Variants in GDA observed in about 807,000 individuals in gnomAD.
GDA encodes cytoplasmic PSD-95 interactor.
Under a neutral mutation model 59.6 loss-of-function variants are expected in GDA, and 18 were observed. The ratio of observed to expected loss-of-function variants is 0.30; its 90% CI spans 0.21 to 0.45. The LOEUF is 0.45. GDA is among the 20% of genes least tolerant of loss of function. The pLI is 1.00. For synonymous variants in GDA, 201 were observed against 201.1 expected (o/e 1.00, Z 0.00); for missense variants, 427 against 552.3 (o/e 0.77, Z 2.27).
At chr9:72,149,401 G>T, upstream of GDA, 1 of 717,970 alleles carries the variant, frequency 1.4e-6, no homozygotes. Flanking sequence ...CCTGGGCGCG[G>T]CCTGCAGGGT....
At chr9:72,236,696 C>G (rs964507960) in intron 10 of GDA, among the ~76,000 whole-genome samples, 3 of 152,064 alleles carry the variant, frequency 2.0e-5, no homozygotes, top group African/African-American at 7.2e-5. Flanking sequence ...TCATCAGTGT[C>G]TCCTTCCTGC....
intron 1 of GDA, among the ~76,000 whole-genome samples, chr9:72,139,238 T>C (rs1159722340): frequency 1.3e-5 from 2 of 152,208 alleles, no homozygotes; most frequent in African/African-American, 4.8e-5. Flanking sequence ...TTGTAATCAA[T>C]TTTAGGATGA....
intron 1 of GDA, among the ~76,000 whole-genome samples, chr9:72,114,991 A>C (rs968393179): frequency 2.0e-5 from 3 of 152,128 alleles, no homozygotes; most frequent in Non-Finnish European, 4.4e-5. Flanking sequence ...CTGGTATATC[A>C]CAGGAACTGC....
chr9:72,159,783 G>A (rs1828382123), intron 1 of GDA, among the ~76,000 whole-genome samples: 1 of 152,078 alleles, frequency 6.6e-6, no homozygotes, highest in African/African-American at 2.4e-5. Flanking sequence ...TTGGAGCTAT[G>A]GAGGATAATT....
intron 1 of GDA, among the ~76,000 whole-genome samples, 158 bp downstream of exon 1, chr9:72,149,840 A>G (rs1826933509): frequency 6.6e-6 from 1 of 152,202 alleles, no homozygotes; most frequent in Non-Finnish European, 1.5e-5. Context: ...CAACGCAGAG[A>G]GAACCCTGGC....
chr9:72,117,286 G>A (rs1471217484), intron 1 of GDA, among the ~76,000 whole-genome samples: 1 of 152,136 alleles, frequency 6.6e-6, no homozygotes, highest in African/African-American at 2.4e-5. Flanking sequence ...AAGAAAATAA[G>A]ACAGAATATT....
rs887188632 is a variant in GDA, at chr9:72,245,089, G to C, written c.1136-59G>C. The stretch of plus-strand genomic sequence containing the variant: ...GGCAAAATCTGTCCTTACAAACTGA[G>C]ACATTAGTGTGGTCTGATGGCTTGC... On this transcript the variant is annotated intron_variant, in intron 11 of 13. Coordinates refer to ENST00000358399, the MANE Select transcript of GDA (RefSeq NM_004293.5). The C allele has an allele frequency of 2.6e-6, 4 of 1,538,944 alleles. No homozygotes were observed. In the African/African-American group the frequency reaches 4.1e-5, roughly 16 times the overall value.
intron 1 of GDA, among the ~76,000 whole-genome samples, chr9:72,116,813 A>C (rs1182097090): frequency 6.6e-6 from 1 of 152,166 alleles, no homozygotes; most frequent in Admixed American, 6.5e-5. Flanking sequence ...TCTAGGGTAC[A>C]TGTGCACAAC....
Position 72,248,361 on chromosome 9 carries a change from A to G in GDA, c.*19A>G, listed in dbSNP as rs371351753. The G allele has an allele frequency of 7.8e-5, 126 of 1,613,530 alleles. No homozygotes were observed. The highest frequency in any genetic ancestry group is 1.6e-4 in the Middle Eastern group (1 of 6,082). On this transcript the variant is annotated 3_prime_UTR_variant, in exon 14 of 14. Transcript: ENST00000358399. Reference sequence around the variant, plus strand: ...AGTGTAAGACCCTCGGGCGTCTACAAAGTTCTCCTGGGATTAGCGTGGTTC... The same window carrying G: ...AGTGTAAGACCCTCGGGCGTCTACAGAGTTCTCCTGGGATTAGCGTGGTTC...
At chr9:72,233,488 A>G (rs892673356) in intron 10 of GDA, among the ~76,000 whole-genome samples, 1 of 152,220 alleles carries the variant, frequency 6.6e-6, no homozygotes, top group African/African-American at 2.4e-5. Context: ...TAAAAAGCAC[A>G]TAGACTCTCA....
chr9:72,259,026 C>CTTT (rs377688657), downstream of GDA, among the ~76,000 whole-genome samples: 2 of 140,038 alleles, frequency 1.4e-5, no homozygotes, highest in Middle Eastern at 3.7e-3. Flanking sequence ...AATAATAACT[C>CTTT]TTTTTTTTTT....
chr9:72,163,504 T>G (rs1473825565), intron 1 of GDA, among the ~76,000 whole-genome samples: 1 of 152,044 alleles, frequency 6.6e-6, no homozygotes, highest in Admixed American at 6.6e-5. Context: ...ATTCTTTTTT[T>G]TTTTTTTGGA....
At chr9:72,125,606 T>G (rs1359015386) in intron 1 of GDA, among the ~76,000 whole-genome samples, 4 of 152,214 alleles carry the variant, frequency 2.6e-5, no homozygotes, top group Admixed American at 2.6e-4. Flanking sequence ...ATATGATATA[T>G]TGTTATCAAA....
At chr9:72,230,501 AATATAT>A (rs58535811) in intron 9 of GDA, among the ~76,000 whole-genome samples, 22 of 143,976 alleles carry the variant, frequency 1.5e-4, no homozygotes, top group African/African-American at 2.3e-4. Context: ...AAAAAAAAAA[AATATAT>A]ATATATATAT....
At position 72,222,986 on chromosome 9, in the gene GDA, G is replaced by T. The variant is rs1053576308; in HGVS notation, c.607-134G>T. 1.2e-4 allele frequency: 65 copies of T among 538,580 alleles called. No homozygotes were observed. In the East Asian group the frequency reaches 2.0e-3, roughly 16 times the overall value. The allele number at this position is 538,580 out of a possible 1,614,324, so 33.4% of individuals were successfully genotyped here. A position where few individuals can be genotyped will look rare whatever the true frequency, so the allele number is the denominator to read the frequency against. ...GCCTCTCAAAGTGCTGGGATTACAG[G>T]TGTGAGCCACCACACCTGGCCCTTC... On this transcript the variant is annotated intron_variant, in intron 6 of 13. Coordinates refer to ENST00000358399, the MANE Select transcript of GDA (RefSeq NM_004293.5).
intron 1 of GDA, among the ~76,000 whole-genome samples, chr9:72,169,113 A>G (rs1286765715): frequency 1.3e-5 from 2 of 152,234 alleles, no homozygotes; most frequent in Non-Finnish European, 2.9e-5. Context: ...AAGACTGCCA[A>G]ATTGCTAATT....
intron 2 of GDA, among the ~76,000 whole-genome samples, chr9:72,200,122 C>T (rs537681883): frequency 2.1e-4 from 32 of 151,808 alleles, no homozygotes; most frequent in African/African-American, 7.2e-4. Flanking sequence ...CTCAGCCGCC[C>T]GAGTAGCTGG....
chr9:72,149,973 C>G (rs1826965868), intron 1 of GDA, among the ~76,000 whole-genome samples: 1 of 152,112 alleles, frequency 6.6e-6, no homozygotes, highest in South Asian at 2.1e-4. Context: ...TCACCCCCCG[C>G]TCCCCCGCCC....
rs146810021 is a variant in GDA at position 72,221,939 on chromosome 9, T to G, written c.607-1181T>G. Among the ~76,000 whole-genome samples the G allele has an allele frequency of 1.8e-4, 27 of 152,354 alleles. No individual in the cohort carries two copies. In the East Asian group the frequency reaches 4.4e-3, roughly 25 times the overall value. ...TATTCCATGGTGTATATGTACCACA[T>G]TTTCTTTATCCAGTCTATCATTGAT... On this transcript the variant is annotated intron_variant, in intron 6 of 13. Coordinates refer to ENST00000358399, the MANE Select transcript of GDA (RefSeq NM_004293.5).
Sources: allele counts gnomAD v4.1 joint callset (sites outside exome capture counted in the v4.1 genomes callset), GRCh38; gene constraint gnomAD v4.1.1; transcripts MANE v1.5; gene names NCBI Gene and HGNC (gene_info 2026-07-23, HGNC 2026-07-21).